Variants in ZNF510 observed in about 807,000 individuals in gnomAD.
ZNF510 encodes the protein zinc finger protein 510.
Under a neutral mutation model 18.1 loss-of-function variants are expected in ZNF510, and 15 were observed. The ratio of observed to expected loss-of-function variants is 0.83; its 90% CI spans 0.55 to 1.28. The LOEUF (loss-of-function observed/expected upper bound fraction) is 1.28, where lower values mean the gene tolerates loss of function less well. Ranked by LOEUF, ZNF510 falls within the 50% of genes most tolerant of loss-of-function variation. The pLI, the probability that ZNF510 is intolerant of heterozygous loss-of-function variation, is 0.00. For missense variants in ZNF510, 724 were observed against 791.8 expected (o/e 0.91, Z 1.03); for synonymous variants, 261 against 266.4 (o/e 0.98, Z 0.20).
Position 96,760,388 on chromosome 9 carries a change from ATGTTTTATTAT to A in ZNF510, c.431_441del (p.Asn144IlefsTer41). The A allele has an allele frequency of 6.2e-7, 1 of 1,613,628 alleles. No individual in the cohort carries two copies. Among genetic ancestry groups the A allele is most frequent in the Non-Finnish European group, 8.5e-7 (1 of 1,179,806 alleles). ...AAAACTTTCTCTTCCTCTGTAGTCA[ATGTTTTATTAT>A]TGATACATATTGCTTGCTCCAAGTG... is the stretch of plus-strand genomic sequence containing the variant. On this transcript the variant is annotated frameshift_variant, in exon 6 of 6. Transcript: ENST00000223428. LOFTEE classifies it low-confidence loss of function (END_TRUNC).
At chr9:96,762,212 A>AG (rs1302927612) in intron 5 of ZNF510, among the ~76,000 whole-genome samples, 1 of 148,910 alleles carries the variant, frequency 6.7e-6, no homozygotes, top group Non-Finnish European at 1.5e-5. Context: ...ATTAAAAAAA[A>AG]AAAAAAAAAA....
At chr9:96,767,299 G>C (rs1849494555) in intron 3 of ZNF510, among the ~76,000 whole-genome samples, 1 of 151,976 alleles carries the variant, frequency 6.6e-6, no homozygotes, top group South Asian at 2.1e-4. Context: ...CTACACTCCA[G>C]CCTGGGTGAT....
Position 96,763,638 on chromosome 9 carries a change from A to C in ZNF510, c.130-6T>G. The C allele has an allele frequency of 6.2e-7, 1 of 1,600,068 alleles. No individual in the cohort carries two copies. The highest frequency in any genetic ancestry group is 8.5e-7 in the Non-Finnish European group (1 of 1,174,700). On this transcript the variant is annotated splice_polypyrimidine_tract_variant and splice_region_variant and intron_variant, in intron 3 of 5. Transcript: ENST00000223428. ...TCCTTGAATGACACTGATGCCTGTA[A>C]CAGTACATTTCTATTCAATCTGAAG...
chr9:96,758,848 T>A lies in ZNF510; in HGVS notation c.1982A>T (p.Tyr661Phe), dbSNP rs201434842. The part of the protein sequence containing the change: ...SGEKSYECNE[Y>F]GKLCKKSTLS... ...GGTAGACTTCTTACATAATTTCCCA[T>A]ATTCATTGCATTCATAAGATTTCTC... The change falls in exon 6 of 6, where the codon TAT (tyrosine) becomes TTT (phenylalanine). Residue 661 changes from tyrosine (Y) to phenylalanine (F), a missense_variant. Transcript: ENST00000223428. The A allele has an allele frequency of 6.2e-7, 1 of 1,613,846 alleles. No homozygotes were observed. The highest frequency in any genetic ancestry group is 2.2e-5 in the East Asian group (1 of 44,874).
At chr9:96,770,945 G>T (rs758198895) in intron 3 of ZNF510, among the ~76,000 whole-genome samples, 1 of 152,144 alleles carries the variant, frequency 6.6e-6, no homozygotes, top group Non-Finnish European at 1.5e-5. Flanking sequence ...ACTAGAATAA[G>T]TAGCACGATT....
In ZNF510 at chr9:96,759,980, C is replaced by G; in HGVS notation, c.850G>C (p.Asp284His). The G allele has an allele frequency of 6.2e-7, 1 of 1,613,150 alleles. No individual in the cohort carries two copies. Reference protein sequence around the residue: ...SSHTGETSSKDDEFRKNCDKK... With the variant: ...SSHTGETSSKHDEFRKNCDKK... ...TCACAATTTTTCCTAAATTCATCATCTTTAGAGGATGTTTCTCCTGTGTGA... is the reference window on the plus strand; with the variant it reads ...TCACAATTTTTCCTAAATTCATCATGTTTAGAGGATGTTTCTCCTGTGTGA... Residue 284 changes from aspartate to histidine, a missense_variant, in exon 6 of 6, where the codon GAT becomes CAT. Physicochemically the swap from Asp to His is moderately conservative, Grantham distance 81 (BLOSUM62 -1). Transcript: ENST00000223428.
At position 96,773,262 on chromosome 9, in the gene ZNF510, T is replaced by C. The variant is rs1307116126; in HGVS notation, c.129+1526A>G. 1.3e-5 allele frequency among the ~76,000 whole-genome samples: 2 copies of C among 152,202 alleles called. 1 individual carries two copies. The highest frequency in any genetic ancestry group is 1.3e-4 in the Admixed American group (2 of 15,278). On this transcript the variant is annotated intron_variant, in intron 3 of 5. Transcript: ENST00000223428. ...TGTAAAAATCCATCCAGTTACACAC[T>C]TCAGAGTACACTTTACTGGTATTAA...
Position 96,759,304 on chromosome 9 carries a change from A to G in ZNF510, c.1526T>C (p.Ile509Thr). 1 of 1,614,060 alleles carries G rather than the reference A, an allele frequency of 6.2e-7. No homozygotes were observed. Among genetic ancestry groups the G allele is most frequent in the Non-Finnish European group, 8.5e-7 (1 of 1,180,006 alleles). Residue 509 changes from isoleucine to threonine, a missense_variant, in exon 6 of 6, where the codon ATT (isoleucine) becomes ACT (threonine). Physicochemically the swap from Ile to Thr is moderately conservative, Grantham distance 89 (BLOSUM62 -1). Coordinates refer to ENST00000223428, the MANE Select transcript of ZNF510 (RefSeq NM_014930.3). ...QKSTLRDHHR[I>T]HTGEKSFQCN... ...TTGAAAGGATTTCTCCCCTGTGTGA[A>G]TTCTGTGATGATCTCTGAGGGTGGA...
Position 96,756,823 on chromosome 9 carries a change from C to G in ZNF510, c.*1955G>C, listed in dbSNP as rs932411594. On this transcript the variant is annotated 3_prime_UTR_variant, in exon 6 of 6. Coordinates refer to ENST00000223428, the MANE Select transcript of ZNF510 (RefSeq NM_014930.3). The stretch of plus-strand genomic sequence containing the variant: ...TTTCAACCCACAAAATCACCAGTCA[C>G]AGAGAGAGACTTGAAGCCCAAAATG... The G allele has an allele frequency of 2.0e-5, 3 of 152,242 alleles. No individual in the cohort carries two copies. The highest frequency in any genetic ancestry group is 4.8e-5 in the African/African-American group (2 of 41,452). 9.4% of individuals were successfully genotyped at this position (152,242 alleles called of 1,614,324 possible).
chr9:96,772,601 G>A (rs1327459080), intron 3 of ZNF510, among the ~76,000 whole-genome samples: 1 of 152,090 alleles, frequency 6.6e-6, no homozygotes, highest in Non-Finnish European at 1.5e-5. Context: ...AAGAAATGAT[G>A]TCTAAATGTC....
rs1849184472 is a variant in ZNF510 at position 96,755,937 on chromosome 9, A to G, written c.*2841T>C. 6.6e-6 allele frequency: 1 copy of G among 152,112 alleles called. No homozygotes were observed. The highest frequency in any genetic ancestry group is 2.1e-4 in the South Asian group (1 of 4,824). 9.4% of individuals were successfully genotyped at this position (152,112 alleles called of 1,614,324 possible). On this transcript the variant is annotated 3_prime_UTR_variant, in exon 6 of 6. Transcript: ENST00000223428. ...ACCATGTACTTTTACCATGTCACCC[A>G]GTGTCACATGGGTGATTTTTTGCCA...
chr9:96,764,477 G>A (rs10118682), intron 3 of ZNF510, among the ~76,000 whole-genome samples: 9,040 of 152,252 alleles, frequency 0.059, 881 homozygotes, highest in African/African-American at 0.2. Context: ...AATAAAGTCA[G>A]TTGGCACACA....
In ZNF510 at chr9:96,776,186, C is replaced by T. The variant is rs1849699610; in HGVS notation, c.-117G>A. ...TGTTTGGAAGCCCTGGTGAGGAGGT[C>T]TCTGTTCTGTCAGAGAGCAGTTCTT... On this transcript the variant is annotated 5_prime_UTR_variant, in exon 2 of 6. Transcript: ENST00000223428. The T allele has an allele frequency of 3.0e-5, 44 of 1,459,744 alleles. No homozygotes were observed. Among genetic ancestry groups the T allele is most frequent in the Non-Finnish European group, 3.7e-5 (41 of 1,101,266 alleles). 90.4% of individuals were successfully genotyped at this position (1,459,744 alleles called of 1,614,324 possible). A position where few individuals can be genotyped will look rare whatever the true frequency, so the allele number is the denominator to read the frequency against.
Position 96,756,218 on chromosome 9 carries a change from G to GT in ZNF510, c.*2559dup, listed in dbSNP as rs1465364884. ...TCCAGAGCCAAGGCTTAACAAAAAT[G>GT]TAACATGGTTTATGAAATGGAGTAT... On this transcript the variant is annotated 3_prime_UTR_variant, in exon 6 of 6. Coordinates refer to ENST00000223428, the MANE Select transcript of ZNF510 (RefSeq NM_014930.3). 6.6e-6 allele frequency: 1 copy of GT among 152,216 alleles called. No individual in the cohort carries two copies. Among genetic ancestry groups the GT allele is most frequent in the Non-Finnish European group, 1.5e-5 (1 of 68,044 alleles). 9.4% of individuals were successfully genotyped at this position (152,216 alleles called of 1,614,324 possible).
At chr9:96,771,682 T>C (rs1849587439) in intron 3 of ZNF510, among the ~76,000 whole-genome samples, 1 of 152,078 alleles carries the variant, frequency 6.6e-6, no homozygotes, top group Non-Finnish European at 1.5e-5. Flanking sequence ...AAATTGTCTT[T>C]ATTGCAAAAA....
rs140314354 is a variant in ZNF510, at chr9:96,759,048, G to A, written c.1782C>T (p.His594=). ...TACATTTAAATGGTTTCTCCCCAGT[G>A]TGAATTCTTTGATGCACTCTGAGGG... The part of the protein sequence containing the change: ...TSTLRVHQRI[H]TGEKPFKCNE... The change falls in exon 6 of 6, where the codon CAC becomes CAT. Residue 594 remains histidine (H), a synonymous_variant. Coordinates refer to ENST00000223428, the MANE Select transcript of ZNF510 (RefSeq NM_014930.3). 6.8e-6 allele frequency: 11 copies of A among 1,613,918 alleles called. No homozygotes were observed. In the African/African-American group the frequency reaches 9.3e-5, roughly 14 times the overall value.
In ZNF510 at chr9:96,760,026, G is replaced by C; in HGVS notation, c.804C>G (p.Asn268Lys). Reference sequence around the variant, plus strand: ...TGTGAGAACTGTTATGTTTAACACAGTTAGCCTTATCATTAAAGGCTTTTC... The same window carrying C: ...TGTGAGAACTGTTATGTTTAACACACTTAGCCTTATCATTAAAGGCTTTTC... ...KIGKAFNDKA[N>K]CVKHNSSHTG... is the part of the protein sequence containing the mutation. The change falls in exon 6 of 6, where the codon AAC becomes AAG. Residue 268 changes from asparagine (N) to lysine (K), a missense_variant. Asn to Lys is a moderately conservative substitution (Grantham distance 94). Coordinates refer to ENST00000223428, the MANE Select transcript of ZNF510 (RefSeq NM_014930.3). The C allele has an allele frequency of 6.2e-7, 1 of 1,612,604 alleles. No individual in the cohort carries two copies. The highest frequency in any genetic ancestry group is 8.5e-7 in the Non-Finnish European group (1 of 1,179,686).
At chr9:96,769,437 C>CAAAAA (rs71485393) in intron 3 of ZNF510, among the ~76,000 whole-genome samples, 1 of 126,324 alleles carries the variant, frequency 7.9e-6, no homozygotes, top group African/African-American at 3.2e-5. Flanking sequence ...ATTCCGTCTC[C>CAAAAA]AAAAAAAAAA....
chr9:96,761,123 AT>A (rs1193031669), intron 5 of ZNF510, among the ~76,000 whole-genome samples: 1 of 152,186 alleles, frequency 6.6e-6, no homozygotes, highest in Non-Finnish European at 1.5e-5. Context: ...CAAGTATAAA[AT>A]TGTTGAAAAT....
Sources: gnomAD v4.1 joint callset for allele counts (sites outside exome capture counted in the v4.1 genomes callset) on GRCh38, gnomAD v4.1.1 for gene constraint, MANE v1.5 for transcripts, NCBI Gene and HGNC (gene_info 2026-07-23, HGNC 2026-07-21) for gene names.